The following ZMIZ2 variants were observed in gnomAD, a reference collection of about 807,000 sequenced individuals.
ZMIZ2 encodes the protein zinc finger MIZ domain-containing protein 2.
Under a neutral mutation model 93.9 loss-of-function variants are expected in ZMIZ2, and 26 were observed. The ratio of observed to expected loss-of-function variants is 0.28; its 90% CI spans 0.20 to 0.38. The LOEUF (loss-of-function observed/expected upper bound fraction) is 0.38, where lower values mean the gene tolerates loss of function less well. Ranked by LOEUF, ZMIZ2 falls within the 10% of genes least tolerant of loss-of-function variation. The pLI is 1.00. For synonymous variants in ZMIZ2, 485 were observed against 516.4 expected (o/e 0.94, Z 0.82); for missense variants, 1,023 against 1,235.0 (o/e 0.83, Z 2.57).
At position 44,769,579 on chromosome 7, in the gene ZMIZ2, A is replaced by AG. The variant is rs1177050762; in HGVS notation, c.*1958dup. ...GTCCCACTCAGCCATGGCCTGATGC[A>AG]GGCCCCAGGCCCTCCTTTCTTGGGT... On this transcript the variant is annotated 3_prime_UTR_variant, in exon 19 of 19. Coordinates refer to ENST00000309315, the MANE Select transcript of ZMIZ2 (RefSeq NM_031449.4). 6 of 152,850 alleles carry AG rather than the reference A, an allele frequency of 3.9e-5. No individual in the cohort carries two copies. The highest frequency in any genetic ancestry group is 1.4e-4 in the African/African-American group (6 of 41,586). 9.5% of individuals were successfully genotyped at this position (152,850 alleles called of 1,614,324 possible).
intron 9 of ZMIZ2, among the ~76,000 whole-genome samples, chr7:44,760,848 TAAAAA>T (rs11323295): frequency 7.3e-6 from 1 of 136,138 alleles, no homozygotes; most frequent in African/African-American, 2.7e-5. Context: ...GACCCTGTCT[TAAAAA>T]AAAAAAAAAA....
In ZMIZ2 at chr7:44,765,894, CCCA is replaced by C; in HGVS notation, c.2243-267_2243-265del. On this transcript the variant is annotated intron_variant, in intron 16 of 18. Transcript: ENST00000309315. This position sits in a 1 kb window ranked among gnomAD's most constrained non-coding sequence, Gnocchi z 4.1. ...CCCCATCTGGGGCCCCCCTCTGGGACCCACCTCACACGCGTGGTGCGTTTGTTT... is the reference window on the plus strand; with the variant it reads ...CCCCATCTGGGGCCCCCCTCTGGGACCCTCACACGCGTGGTGCGTTTGTTT... 7.2e-7 allele frequency: 1 copy of C among 1,385,626 alleles called. No individual in the cohort carries two copies. The highest frequency in any genetic ancestry group is 1.7e-5 in the South Asian group (1 of 58,414). The allele number at this position is 1,385,626 out of a possible 1,614,324, so 85.8% of individuals were successfully genotyped here. A position where few individuals can be genotyped will look rare whatever the true frequency, so the allele number is the denominator to read the frequency against.
At chr7:44,749,562 C>T (rs1170608529) in intron 1 of ZMIZ2, among the ~76,000 whole-genome samples, 1 of 152,166 alleles carries the variant, frequency 6.6e-6, no homozygotes, top group African/African-American at 2.4e-5. Context: ...CACCCCTTTC[C>T]AAACTGGACA....
At chr7:44,758,248 G>A (rs1318793890) in intron 6 of ZMIZ2, 140 bp downstream of exon 6, 1 of 1,151,572 alleles carries the variant, frequency 8.7e-7, no homozygotes, top group African/African-American at 1.6e-5. Context: ...GGGAAACCAA[G>A]GAGGGTGGAT....
At chr7:44,762,067 T>C in intron 11 of ZMIZ2, 162 bp downstream of exon 11, 1 of 970,580 alleles carries the variant, frequency 1.0e-6, no homozygotes, top group Non-Finnish European at 1.4e-6. Context: ...TGCAGCACCA[T>C]CAGATCATGC....
In ZMIZ2 at chr7:44,763,261, C is replaced by T. The variant is rs772076174; in HGVS notation, c.1708C>T (p.Arg570Trp). Residue 570 changes from arginine to tryptophan, a missense_variant, in exon 13 of 19, where the codon CGG (arginine) becomes TGG (tryptophan). Coordinates refer to ENST00000309315, the MANE Select transcript of ZMIZ2 (RefSeq NM_031449.4). The surrounding 1 kb of genome is among the most constrained non-coding windows in gnomAD (Gnocchi z 5.6). ...CTTTACCTTGTTGATGTCAGTAAAGCGGAACTTCAGCAGCGGCACCATCCC... is the reference window on the plus strand; with the variant it reads ...CTTTACCTTGTTGATGTCAGTAAAGTGGAACTTCAGCAGCGGCACCATCCC... The part of the protein sequence containing the change: ...PAEHCITKIK[R>W]NFSSGTIPGT... 1.2e-5 allele frequency: 20 copies of T among 1,613,764 alleles called. No homozygotes were observed. The highest frequency in any genetic ancestry group is 2.2e-5 in the East Asian group (1 of 44,886).
At chr7:44,752,815 A>G (rs1790271891) in intron 1 of ZMIZ2, among the ~76,000 whole-genome samples, 1 of 152,240 alleles carries the variant, frequency 6.6e-6, no homozygotes. Flanking sequence ...AGTTATAAAC[A>G]TTTGTGTACA....
At chr7:44,764,832 G>C (rs1260787580) in intron 14 of ZMIZ2, 109 bp from the exon 15 acceptor site, 1 of 1,162,332 alleles carries the variant, frequency 8.6e-7, no homozygotes, top group East Asian at 2.5e-5. Flanking sequence ...GCCTCACACA[G>C]GATTGCCTCA....
At chr7:44,759,728 C>A in intron 7 of ZMIZ2, 1 of 473,180 alleles carries the variant, frequency 2.1e-6, no homozygotes, top group East Asian at 3.7e-5. Flanking sequence ...TCAGGGGTAT[C>A]CTGTGCAGGG....
intron 11 of ZMIZ2, among the ~76,000 whole-genome samples, chr7:44,762,384 T>C (rs995773452): frequency 6.6e-6 from 1 of 152,148 alleles, no homozygotes; most frequent in Non-Finnish European, 1.5e-5. Flanking sequence ...CATTACCGGT[T>C]CTAGCAAGCA....
chr7:44,754,916 TG>T (rs1323825973), intron 1 of ZMIZ2, among the ~76,000 whole-genome samples: 15 of 152,106 alleles, frequency 9.9e-5, no homozygotes, highest in Admixed American at 9.8e-4. Flanking sequence ...ACATGTCAGG[TG>T]GTCCTGGGAG....
Position 44,763,073 on chromosome 7 carries a change from T to G in ZMIZ2, c.1702+87T>G. 2.0e-6 allele frequency: 3 copies of G among 1,469,104 alleles called. No individual in the cohort carries two copies. The highest frequency in any genetic ancestry group is 2.8e-6 in the Non-Finnish European group (3 of 1,071,470). 91.0% of individuals were successfully genotyped at this position (1,469,104 alleles called of 1,614,324 possible). The stretch of plus-strand genomic sequence containing the variant: ...AACAATCCTCCTTGTGGGCACCTCC[T>G]CGTGTCACACCAGGCCTTCTCCTTG... On this transcript the variant is annotated intron_variant, in intron 12 of 18. Coordinates refer to ENST00000309315, the MANE Select transcript of ZMIZ2 (RefSeq NM_031449.4). This position sits in a 1 kb window ranked among gnomAD's most constrained non-coding sequence, Gnocchi z 5.6.
intron 9 of ZMIZ2, 89 bp downstream of exon 9, chr7:44,760,682 T>C: frequency 3.3e-6 from 5 of 1,501,910 alleles, no homozygotes; most frequent in Non-Finnish European, 4.5e-6. Flanking sequence ...CTGTAGGAGC[T>C]TGGGGGACAG....
At chr7:44,767,292 C>T (rs1172494622) in intron 18 of ZMIZ2, among the ~76,000 whole-genome samples, 1 of 152,142 alleles carries the variant, frequency 6.6e-6, no homozygotes, top group African/African-American at 2.4e-5. Context: ...GCCAGCTGTT[C>T]TGGCCCCAGA....
At chr7:44,749,127 C>T (rs1245696952) in intron 1 of ZMIZ2, 136 bp downstream of exon 1, 3 of 152,134 alleles carry the variant, frequency 2.0e-5, no homozygotes, top group Admixed American at 6.6e-5. Flanking sequence ...GCCCGGGGCG[C>T]CCCGGTTCCG....
At chr7:44,757,789 T>C in intron 5 of ZMIZ2, 59 bp from the exon 6 acceptor site, 1 of 1,509,762 alleles carries the variant, frequency 6.6e-7, no homozygotes, top group Non-Finnish European at 8.9e-7. Context: ...GTTTTATGCC[T>C]ATCTTTTGGA....
chr7:44,768,614 C>CA lies in ZMIZ2; in HGVS notation c.*992dup, dbSNP rs1202744222. On this transcript the variant is annotated 3_prime_UTR_variant, in exon 19 of 19. Transcript: ENST00000309315. ...CACTGCATCTGTTGGCTCAGGGCCC[C>CA]AGCCTGTGCGAGCAGGGCGCCTGGG... 1 of 152,410 alleles carries CA rather than the reference C, an allele frequency of 6.6e-6. No individual in the cohort carries two copies. The highest frequency in any genetic ancestry group is 1.5e-5 in the Non-Finnish European group (1 of 68,196). 9.4% of individuals were successfully genotyped at this position (152,410 alleles called of 1,614,324 possible). A position where few individuals can be genotyped will look rare whatever the true frequency, so the allele number is the denominator to read the frequency against.
chr7:44,761,305 C>T lies in ZMIZ2; in HGVS notation c.1241-144C>T. The T allele has an allele frequency of 1.5e-6, 2 of 1,331,922 alleles. No homozygotes were observed. Among genetic ancestry groups the T allele is most frequent in the Non-Finnish European group, 2.0e-6 (2 of 994,720 alleles). 82.5% of individuals were successfully genotyped at this position (1,331,922 alleles called of 1,614,324 possible). A position where few individuals can be genotyped will look rare whatever the true frequency, so the allele number is the denominator to read the frequency against. The stretch of plus-strand genomic sequence containing the variant: ...CCCAGCCCCAGGGCACCACTCAGGC[C>T]TGCCAAGCAGTGCCTGACAGGAGGG... On this transcript the variant is annotated intron_variant, in intron 9 of 18. Coordinates refer to ENST00000309315, the MANE Select transcript of ZMIZ2 (RefSeq NM_031449.4). The surrounding 1 kb of genome is among the most constrained non-coding windows in gnomAD (Gnocchi z 5.8).
In ZMIZ2 at chr7:44,761,148, A is replaced by G. The variant is rs553340024; in HGVS notation, c.1241-301A>G. Among the ~76,000 whole-genome samples the G allele has an allele frequency of 1.5e-4, 23 of 152,270 alleles. No homozygotes were observed. The highest frequency in any genetic ancestry group is 5.5e-4 in the African/African-American group (23 of 41,558). ...CAGTCTCTCTGAAAGCACTGGAAACACCTTTTGTCTGGGCTGGGGACATGT... is the reference window on the plus strand; with the variant it reads ...CAGTCTCTCTGAAAGCACTGGAAACGCCTTTTGTCTGGGCTGGGGACATGT... On this transcript the variant is annotated intron_variant, in intron 9 of 18. Coordinates refer to ENST00000309315, the MANE Select transcript of ZMIZ2 (RefSeq NM_031449.4). The surrounding 1 kb of genome is among the most constrained non-coding windows in gnomAD (Gnocchi z 5.8).
Sources: allele counts gnomAD v4.1 joint callset (sites outside exome capture counted in the v4.1 genomes callset), GRCh38; gene constraint gnomAD v4.1.1; non-coding constraint Gnocchi (gnomAD v3.1); transcripts MANE v1.5; gene names NCBI Gene and HGNC (gene_info 2026-07-23, HGNC 2026-07-21).